The following IPO7 variants were observed in gnomAD, a reference collection of about 807,000 sequenced individuals.
The protein encoded by IPO7 is importin-7.
IPO7 carries 13 observed loss-of-function variants against 136.4 expected under a neutral mutation model. That is an observed-to-expected ratio of 0.10 (90% CI 0.06 to 0.15). The LOEUF is 0.15. Ranked by LOEUF, IPO7 falls within the 10% of genes least tolerant of loss-of-function variation. IPO7 has a pLI of 1.00. For synonymous variants in IPO7, 403 were observed against 404.4 expected (o/e 1.00, Z 0.04); for missense variants, 857 against 1,240.6 (o/e 0.69, Z 4.65).
chr11:9,395,877 T>C (rs1345305134), intron 1 of IPO7, among the ~76,000 whole-genome samples: 1 of 151,542 alleles, frequency 6.6e-6, no homozygotes, highest in African/African-American at 2.4e-5. Context: ...CCACCACGTC[T>C]GGCTAATTTT....
chr11:9,441,697 G>T (rs1190424692), intron 23 of IPO7, among the ~76,000 whole-genome samples: 1 of 152,122 alleles, frequency 6.6e-6, no homozygotes, highest in Non-Finnish European at 1.5e-5. Flanking sequence ...CCTAACACGG[G>T]GCCCATGTAC....
At chr11:9,437,529 C>T (rs1374871817) in intron 20 of IPO7, among the ~76,000 whole-genome samples, 1 of 152,224 alleles carries the variant, frequency 6.6e-6, no homozygotes, top group African/African-American at 2.4e-5. Flanking sequence ...GCTGGGATTA[C>T]AGGCGTGAGC....
chr11:9,435,741 C>A (rs1855360528), intron 19 of IPO7, among the ~76,000 whole-genome samples: 1 of 152,142 alleles, frequency 6.6e-6, no homozygotes, highest in Admixed American at 6.6e-5. Flanking sequence ...TTTTCACTAG[C>A]CTTCAAGTCC....
In IPO7 at chr11:9,447,008, C is replaced by G. The variant is rs962604082; in HGVS notation, c.*1814C>G. ...TACCCTAGGTTGCTTAAAGGGATTT[C>G]ACTATTATATAAAGTCAATAAAAAT... On this transcript the variant is annotated 3_prime_UTR_variant, in exon 25 of 25. Coordinates refer to ENST00000379719, the MANE Select transcript of IPO7 (RefSeq NM_006391.3). The G allele has an allele frequency of 6.6e-6, 1 of 152,054 alleles. No individual in the cohort carries two copies. The highest frequency in any genetic ancestry group is 2.4e-5 in the African/African-American group (1 of 41,390). 9.4% of individuals were successfully genotyped at this position (152,054 alleles called of 1,614,324 possible). A position where few individuals can be genotyped will look rare whatever the true frequency, so the allele number is the denominator to read the frequency against.
intron 1 of IPO7, among the ~76,000 whole-genome samples, chr11:9,394,724 A>G (rs1270520957): frequency 6.6e-6 from 1 of 152,126 alleles, no homozygotes; most frequent in African/African-American, 2.4e-5. Flanking sequence ...GCCCAATTGG[A>G]ATTAAACTCC....
At chr11:9,408,220 TA>T (rs34260285) in intron 2 of IPO7, among the ~76,000 whole-genome samples, 118 of 150,982 alleles carry the variant, frequency 7.8e-4, no homozygotes, top group African/African-American at 2.7e-3. Context: ...GTTGTGACGT[TA>T]AAAAAAAACA....
At chr11:9,429,921 C>A in intron 15 of IPO7, 87 bp downstream of exon 15, 1 of 947,914 alleles carries the variant, frequency 1.1e-6, no homozygotes. Flanking sequence ...GCTTGCCTTA[C>A]CTTATAGCAG....
chr11:9,430,178 G>A (rs1417232654), intron 15 of IPO7, among the ~76,000 whole-genome samples: 3 of 152,054 alleles, frequency 2.0e-5, no homozygotes, highest in East Asian at 3.9e-4. Flanking sequence ...GCCATGGACC[G>A]GTACCAGTCC....
At position 9,419,559 on chromosome 11, in the gene IPO7, A is replaced by AATATAT. The variant is rs1244588095; in HGVS notation, c.727-829_727-824dup. Among the ~76,000 whole-genome samples, 396 of 116,796 alleles carry AATATAT rather than the reference A, an allele frequency of 3.4e-3. 7 individuals are homozygous for AATATAT. Among genetic ancestry groups the AATATAT allele is most frequent in the African/African-American group, 0.011 (304 of 26,626 alleles). The allele number at this position is 116,796 out of a possible 152,430, so 76.6% of individuals were successfully genotyped here. The stretch of plus-strand genomic sequence containing the variant: ...GAGACTCTGTCTAAAAAAAAAAAAA[A>AATATAT]ATATATATATATATATATATATATA... On this transcript the variant is annotated intron_variant, in intron 6 of 24. Transcript: ENST00000379719.
chr11:9,408,861 A>T (rs1160450362), intron 3 of IPO7, among the ~76,000 whole-genome samples: 1 of 150,666 alleles, frequency 6.6e-6, no homozygotes, highest in Non-Finnish European at 1.5e-5. Context: ...TTACAGGCAC[A>T]TGGCACCACG....
intron 16 of IPO7, 103 bp from the exon 17 acceptor site, chr11:9,433,467 A>G: frequency 2.8e-6 from 2 of 719,562 alleles, no homozygotes; most frequent in Non-Finnish European, 4.7e-6. Flanking sequence ...TTTTTTTCAC[A>G]ATATTGACTT....
intron 20 of IPO7, among the ~76,000 whole-genome samples, chr11:9,437,400 A>G (rs555141898): frequency 2.8e-5 from 4 of 143,938 alleles, no homozygotes; most frequent in Non-Finnish European, 4.7e-5. Context: ...GACTACAGGC[A>G]CCCGCCACCA....
chr11:9,438,059 T>C lies in IPO7; in HGVS notation c.2490-21T>C, dbSNP rs768123563. ...AAAAGAAAACAGTTTTTTTTTTTTT[T>C]TTTTTTTTTTTTTTTTTTAGGCTTC... On this transcript the variant is annotated intron_variant, in intron 21 of 24. Transcript: ENST00000379719. The C allele has an allele frequency of 1.4e-5, 7 of 504,638 alleles. No individual in the cohort carries two copies. The African/African-American group carries it at 1.5e-4, about 11-fold the overall frequency. The allele number at this position is 504,638 out of a possible 1,614,324, so 31.3% of individuals were successfully genotyped here. A position where few individuals can be genotyped will look rare whatever the true frequency, so the allele number is the denominator to read the frequency against.
In IPO7 at chr11:9,439,518, A is replaced by T. The variant is rs1002529237; in HGVS notation, c.2696-937A>T. Among the ~76,000 whole-genome samples, 5 of 152,172 alleles carry T rather than the reference A, an allele frequency of 3.3e-5. No homozygotes were observed. In the South Asian group the frequency reaches 1.0e-3, roughly 31 times the overall value. ...TGGCACTGAATTAACAGTATTAACA[A>T]AGGTACACATATCATTATAGTTACT... On this transcript the variant is annotated intron_variant, in intron 22 of 24. Coordinates refer to ENST00000379719, the MANE Select transcript of IPO7 (RefSeq NM_006391.3).
At chr11:9,409,776 C>T (rs1368666986) in intron 3 of IPO7, 152 bp from the exon 4 acceptor site, 2 of 476,836 alleles carry the variant, frequency 4.2e-6, no homozygotes, top group East Asian at 3.5e-5. Context: ...TGCTCAGTGA[C>T]TTATTCTGAA....
intron 4 of IPO7, among the ~76,000 whole-genome samples, chr11:9,413,027 C>G (rs573730019): frequency 5.9e-5 from 9 of 151,634 alleles, no homozygotes; most frequent in African/African-American, 2.2e-4. Context: ...CTATAGGCGC[C>G]CGCCACCACG....
chr11:9,424,095 A>G (rs1235522522), intron 10 of IPO7, among the ~76,000 whole-genome samples: 1 of 152,200 alleles, frequency 6.6e-6, no homozygotes, highest in Non-Finnish European at 1.5e-5. Flanking sequence ...AGTTTTTATT[A>G]CTGAATACCA....
chr11:9,389,141 A>G (rs746718481), intron 1 of IPO7, among the ~76,000 whole-genome samples: 25 of 151,708 alleles, frequency 1.6e-4, no homozygotes, highest in Non-Finnish European at 2.6e-4. Flanking sequence ...GTAGCCTCCA[A>G]TCCCAGGTTC....
Position 9,433,738 on chromosome 11 carries a change from T to G in IPO7, c.1966T>G (p.Phe656Val). 1 of 1,612,680 alleles carries G rather than the reference T, an allele frequency of 6.2e-7. No individual in the cohort carries two copies. The highest frequency in any genetic ancestry group is 1.3e-5 in the African/African-American group (1 of 75,002). Reference protein sequence around the residue: ...QHVLEFYEEIFSLAHSLTCQQ... With the variant: ...QHVLEFYEEIVSLAHSLTCQQ... ...TCTTTTAGAATTCTATGAGGAGATC[T>G]TCTCTTTAGCGCACAGTTTGACATG... Residue 656 changes from phenylalanine to valine, a missense_variant, in exon 18 of 25, where the codon TTC (phenylalanine) becomes GTC (valine). This residue lies in a region of IPO7 where 190 missense variants were observed against 249.0 expected (regional missense o/e 0.76). Coordinates refer to ENST00000379719, the MANE Select transcript of IPO7 (RefSeq NM_006391.3).
Sources: allele counts gnomAD v4.1 joint callset (sites outside exome capture counted in the v4.1 genomes callset), GRCh38; gene constraint gnomAD v4.1.1; regional missense constraint gnomAD v4.1.1; transcripts MANE v1.5; gene names NCBI Gene and HGNC (gene_info 2026-07-23, HGNC 2026-07-21).